Variants in EML1 observed in about 807,000 individuals in gnomAD.
EML1 encodes EMAP like 1.
EML1 carries 27 observed loss-of-function variants against 110.4 expected under a neutral mutation model. The observed-to-expected ratio is 0.24, with a 90% CI of 0.18 to 0.34. The LOEUF is 0.34. EML1 is among the 10% of genes least tolerant of loss of function. The pLI is 1.00. For missense variants in EML1, 741 were observed against 1,030.9 expected (o/e 0.72, Z 3.85); for synonymous variants, 344 against 385.8 (o/e 0.89, Z 1.27).
intron 1 of EML1, among the ~76,000 whole-genome samples, chr14:99,838,176 A>G (rs1222685811): frequency 6.6e-6 from 1 of 152,210 alleles, no homozygotes; most frequent in Admixed American, 6.5e-5. Context: ...GTCTGAAACT[A>G]ATCAAATTAT....
intron 15 of EML1, chr14:99,915,096 A>T (rs1158869080): frequency 4.5e-6 from 1 of 222,444 alleles, no homozygotes; most frequent in Non-Finnish European, 8.7e-6. Context: ...CTACATTTTG[A>T]GTTTGATGGT....
intron 2 of EML1, among the ~76,000 whole-genome samples, chr14:99,859,928 A>G (rs2058972987): frequency 6.6e-6 from 1 of 152,184 alleles, no homozygotes; most frequent in Non-Finnish European, 1.5e-5. Flanking sequence ...GGTGTCTACT[A>G]TGTGCCGGGC....
chr14:99,845,338 C>T (rs1037104000), intron 1 of EML1, among the ~76,000 whole-genome samples: 2 of 152,108 alleles, frequency 1.3e-5, no homozygotes, highest in African/African-American at 4.8e-5. Context: ...AGTCTTTTGC[C>T]CATTTTTCCC....
At chr14:99,742,031 G>A (rs1479112224) in intron 1 of EML1, among the ~76,000 whole-genome samples, 3 of 152,254 alleles carry the variant, frequency 2.0e-5, no homozygotes, top group South Asian at 2.1e-4. Flanking sequence ...GCCCTCCTTC[G>A]TGTGTGACCT....
At chr14:99,933,852 G>A (rs922765703) in intron 17 of EML1, among the ~76,000 whole-genome samples, 17 of 152,266 alleles carry the variant, frequency 1.1e-4, no homozygotes, top group East Asian at 1.9e-4. Context: ...CCAGCACTTC[G>A]GGGAGGCCAA....
At chr14:99,853,265 A>G (rs888936852) in intron 2 of EML1, among the ~76,000 whole-genome samples, 3 of 152,236 alleles carry the variant, frequency 2.0e-5, no homozygotes, top group Admixed American at 2.0e-4. Flanking sequence ...AAGATTCACA[A>G]GAAAGCAGGT....
At chr14:99,927,269 CCTCT>C (rs970611648) in intron 17 of EML1, among the ~76,000 whole-genome samples, 1 of 152,100 alleles carries the variant, frequency 6.6e-6, no homozygotes, top group Non-Finnish European at 1.5e-5. Flanking sequence ...TCTCTCTCTC[CCTCT>C]ATTACAGTAA....
chr14:99,742,121 C>T (rs968324183), intron 1 of EML1, among the ~76,000 whole-genome samples: 2 of 152,136 alleles, frequency 1.3e-5, no homozygotes, highest in African/African-American at 4.8e-5. Context: ...TCAAGTACCC[C>T]CCACCTCAGC....
At chr14:99,831,560 C>T (rs990361141) in intron 1 of EML1, among the ~76,000 whole-genome samples, 2 of 152,164 alleles carry the variant, frequency 1.3e-5, no homozygotes, top group Non-Finnish European at 2.9e-5. Flanking sequence ...GAGGCATACA[C>T]TTCTGTGCTG....
intron 13 of EML1, 42 bp from the exon 14 acceptor site, chr14:99,914,137 G>A: frequency 6.3e-7 from 1 of 1,585,350 alleles, no homozygotes; most frequent in Non-Finnish European, 8.6e-7. Context: ...ACAACTGAAT[G>A]AAATTGTACA....
chr14:99,754,829 C>T (rs1407733067), intron 1 of EML1, among the ~76,000 whole-genome samples: 1 of 152,198 alleles, frequency 6.6e-6, no homozygotes, highest in Non-Finnish European at 1.5e-5. Context: ...CAGGTCATGC[C>T]TGTGAAGCTT....
chr14:99,747,875 A>G (rs1451333760), intron 1 of EML1, among the ~76,000 whole-genome samples: 2 of 152,170 alleles, frequency 1.3e-5, no homozygotes, highest in Non-Finnish European at 2.9e-5. Flanking sequence ...AGACACTTGG[A>G]AAGCCACCCC....
intron 2 of EML1, among the ~76,000 whole-genome samples, chr14:99,861,118 T>C (rs778003037): frequency 5.3e-5 from 8 of 152,262 alleles, no homozygotes; most frequent in Non-Finnish European, 1.0e-4. Flanking sequence ...TGTCTGCTCT[T>C]AGAAGCAAGG....
intron 17 of EML1, among the ~76,000 whole-genome samples, chr14:99,921,402 T>C (rs1340487020): frequency 6.6e-6 from 1 of 152,234 alleles, no homozygotes; most frequent in Non-Finnish European, 1.5e-5. Context: ...AGATTCTGTG[T>C]CAGTGTCTTT....
chr14:99,847,318 A>C (rs542312253), intron 1 of EML1, among the ~76,000 whole-genome samples: 4 of 152,228 alleles, frequency 2.6e-5, no homozygotes, highest in African/African-American at 9.6e-5. Flanking sequence ...CACGGTTTAT[A>C]GTGTTGTTCA....
intron 1 of EML1, among the ~76,000 whole-genome samples, chr14:99,764,675 G>T (rs1414144082): frequency 1.3e-5 from 2 of 152,200 alleles, no homozygotes. Flanking sequence ...GAGAAGGAAA[G>T]GGGAGACAAG....
intron 1 of EML1, among the ~76,000 whole-genome samples, chr14:99,742,914 C>A (rs1178957089): frequency 1.3e-5 from 2 of 152,160 alleles, no homozygotes; most frequent in Non-Finnish European, 2.9e-5. Context: ...CAGGCATGAA[C>A]CTTTGAACAG....
intron 4 of EML1, among the ~76,000 whole-genome samples, chr14:99,879,124 C>G (rs1166906146): frequency 1.3e-5 from 2 of 152,160 alleles, no homozygotes; most frequent in Non-Finnish European, 2.9e-5. Context: ...TTTATGGTTT[C>G]ATGAAATACG....
At chr14:99,741,633 C>A (rs867510517) in intron 1 of EML1, among the ~76,000 whole-genome samples, 1 of 152,116 alleles carries the variant, frequency 6.6e-6, no homozygotes, top group African/African-American at 2.4e-5. Context: ...CGCCCACCCC[C>A]CCCCAGACCT....
Sources: gnomAD v4.1 joint callset for allele counts (sites outside exome capture counted in the v4.1 genomes callset) on GRCh38, gnomAD v4.1.1 for gene constraint, MANE v1.5 for transcripts, NCBI Gene and HGNC (gene_info 2026-07-23, HGNC 2026-07-21) for gene names.